Variants in RYK observed in about 807,000 individuals in gnomAD.
RYK encodes the protein receptor like tyrosine kinase.
A neutral mutation model predicts 70.2 loss-of-function variants in RYK; 21 were observed. The observed-to-expected ratio is 0.30, with a 90% CI of 0.21 to 0.43. The LOEUF (loss-of-function observed/expected upper bound fraction) is 0.43. Ranked by LOEUF, RYK falls within the 20% of genes least tolerant of loss-of-function variation. The pLI is 1.00. For synonymous variants in RYK, 267 were observed against 278.0 expected (o/e 0.96, Z 0.39); for missense variants, 604 against 753.3 (o/e 0.80, Z 2.32).
At chr3:134,194,560 G>A (rs1295766099) in intron 7 of RYK, among the ~76,000 whole-genome samples, 2 of 152,104 alleles carry the variant, frequency 1.3e-5, no homozygotes, top group African/African-American at 4.8e-5. Flanking sequence ...ACTGGGTAGA[G>A]GACAGATATC....
chr3:134,209,737 A>C lies in RYK; in HGVS notation c.547T>G (p.Phe183Val). 2.7e-6 allele frequency: 4 copies of C among 1,499,976 alleles called. No individual in the cohort carries two copies. Among genetic ancestry groups the C allele is most frequent in the Non-Finnish European group, 3.6e-6 (4 of 1,124,172 alleles). 92.9% of individuals were successfully genotyped at this position (1,499,976 alleles called of 1,614,324 possible). A position where few individuals can be genotyped will look rare whatever the true frequency, so the allele number is the denominator to read the frequency against. ...CTTCGTTTAAAATTTAAGACGGTAA[A>C]ATTTTTTGAAGAATTTACTGTCAAG... Reference protein sequence around the residue: ...LNLTVNSSKNFTVLNFKRRKM... With the variant: ...LNLTVNSSKNVTVLNFKRRKM... Residue 183 changes from phenylalanine to valine, a missense_variant, in exon 4 of 15, where the codon TTT (phenylalanine) becomes GTT (valine). Around this residue, in one of 2 missense-constraint regions of RYK, gnomAD observed 466 missense variants for 535.9 expected, o/e 0.87. Transcript: ENST00000623711.
intron 13 of RYK, among the ~76,000 whole-genome samples, chr3:134,169,123 G>A (rs991496591): frequency 5.9e-5 from 9 of 152,210 alleles, no homozygotes; most frequent in African/African-American, 2.2e-4. Context: ...CTTTTAAAAG[G>A]ATCTCTTCAC....
intron 1 of RYK, 36 bp downstream of exon 1, chr3:134,250,387 C>A: frequency 7.5e-7 from 1 of 1,325,816 alleles, no homozygotes. Context: ...CCAGCCGGCC[C>A]GACCTGCCCG....
At chr3:134,221,708 A>G (rs1432133817) in intron 2 of RYK, among the ~76,000 whole-genome samples, 1 of 152,184 alleles carries the variant, frequency 6.6e-6, no homozygotes, top group Admixed American at 6.5e-5. Context: ...TTATAGTAGC[A>G]AGACTATTTT....
intron 1 of RYK, among the ~76,000 whole-genome samples, chr3:134,240,289 A>C (rs1204298883): frequency 6.6e-6 from 1 of 152,176 alleles, no homozygotes; most frequent in Non-Finnish European, 1.5e-5. Flanking sequence ...AGTAGGGGTA[A>C]GGTGGTAGAG....
chr3:134,200,497 C>T (rs1311206808), intron 6 of RYK, among the ~76,000 whole-genome samples: 1 of 152,084 alleles, frequency 6.6e-6, no homozygotes, highest in Non-Finnish European at 1.5e-5. Context: ...CGCGAGAGTC[C>T]GCGGCTTCAT....
intron 2 of RYK, among the ~76,000 whole-genome samples, chr3:134,221,075 T>C (rs1473998296): frequency 6.6e-6 from 1 of 151,704 alleles, no homozygotes; most frequent in East Asian, 1.9e-4. Context: ...CTGTTCAACA[T>C]ACATGTCTAA....
At chr3:134,221,836 A>C (rs765484570) in intron 2 of RYK, among the ~76,000 whole-genome samples, 53 of 152,152 alleles carry the variant, frequency 3.5e-4, no homozygotes, top group Non-Finnish European at 1.0e-4. Flanking sequence ...CTTAGGAGAA[A>C]ACTTACCATG....
intron 4 of RYK, among the ~76,000 whole-genome samples, chr3:134,208,134 C>T (rs1212434929): frequency 1.3e-5 from 2 of 152,156 alleles, no homozygotes; most frequent in African/African-American, 4.8e-5. Flanking sequence ...TACTCCAACA[C>T]AGAATTTTAA....
intron 1 of RYK, among the ~76,000 whole-genome samples, chr3:134,225,131 C>T (rs2014867132): frequency 6.6e-6 from 1 of 152,144 alleles, no homozygotes; most frequent in Non-Finnish European, 1.5e-5. Flanking sequence ...TCTGCAAAAG[C>T]CTCTCCCTGC....
In RYK at chr3:134,158,127, C is replaced by T. The variant is rs764086854; in HGVS notation, c.*26G>A. 12 of 1,330,586 alleles carry T rather than the reference C, an allele frequency of 9.0e-6. No homozygotes were observed. The highest frequency in any genetic ancestry group is 1.2e-5 in the Non-Finnish European group (12 of 998,928). 82.4% of individuals were successfully genotyped at this position (1,330,586 alleles called of 1,614,324 possible). On this transcript the variant is annotated 3_prime_UTR_variant, in exon 15 of 15. Coordinates refer to ENST00000623711, the MANE Select transcript of RYK (RefSeq NM_002958.4). ...AGTGAGCCCCGACAGGCACCTTCTTCCTGATGGTGTGGGATTGGAGAGGAG... is the reference window on the plus strand; with the variant it reads ...AGTGAGCCCCGACAGGCACCTTCTTTCTGATGGTGTGGGATTGGAGAGGAG...
chr3:134,165,979 C>T (rs562517490), intron 13 of RYK, among the ~76,000 whole-genome samples: 1 of 152,314 alleles, frequency 6.6e-6, no homozygotes, highest in Admixed American at 6.5e-5. Context: ...GGACTTAAGA[C>T]TTTGGAGCTG....
At chr3:134,200,883 G>C (rs985397966) in intron 6 of RYK, among the ~76,000 whole-genome samples, 3 of 152,212 alleles carry the variant, frequency 2.0e-5, no homozygotes, top group Non-Finnish European at 4.4e-5. Flanking sequence ...ACTTTTGCCT[G>C]AAAACTAAAG....
At chr3:134,206,078 T>C (rs1406442010) in intron 5 of RYK, among the ~76,000 whole-genome samples, 1 of 152,226 alleles carries the variant, frequency 6.6e-6, no homozygotes, top group Admixed American at 6.5e-5. Context: ...AAGTAAACTT[T>C]GGCAACAGTG....
rs760478935 is a variant in RYK, at chr3:134,211,518, G to A, written c.444C>T (p.Arg148=). 5 of 1,611,242 alleles carry A rather than the reference G, an allele frequency of 3.1e-6. No homozygotes were observed. In the African/African-American group the frequency reaches 4.0e-5, roughly 13 times the overall value. ...AAGACTCTTACTTACCTGATAAAGT[G>A]CGTGGAACTTCCCCCTGAACAGAAA... ...VNISVQGEVP[R]TLSVFRVELS... Residue 148 remains arginine (R), a synonymous_variant, in exon 3 of 15, where the codon CGC becomes CGT. Coordinates refer to ENST00000623711, the MANE Select transcript of RYK (RefSeq NM_002958.4).
intron 1 of RYK, among the ~76,000 whole-genome samples, chr3:134,223,269 TC>T (rs2014794764): frequency 6.6e-6 from 1 of 152,172 alleles, no homozygotes; most frequent in African/African-American, 2.4e-5. Flanking sequence ...TTTCACTCAC[TC>T]CCATACCACC....
chr3:134,172,671 C>T (rs746543611), intron 13 of RYK, among the ~76,000 whole-genome samples: 3 of 152,150 alleles, frequency 2.0e-5, no homozygotes, highest in South Asian at 2.1e-4. Flanking sequence ...GTTCTCATTA[C>T]GTAGAGATTT....
Position 134,245,913 on chromosome 3 carries a change from C to T in RYK, c.232+4510G>A, listed in dbSNP as rs186115276. ...ACACACATGTTCTCTCCTCTGCAAT[C>T]AGCTCCTCAGGATCTTTTTCTTCAT... On this transcript the variant is annotated intron_variant, in intron 1 of 14. Coordinates refer to ENST00000623711, the MANE Select transcript of RYK (RefSeq NM_002958.4). Among the ~76,000 whole-genome samples, 690 of 152,316 alleles carry T rather than the reference C, an allele frequency of 4.5e-3. 13 individuals are homozygous for T. The highest frequency in any genetic ancestry group is 0.026 in the Admixed American group (392 of 15,296).
chr3:134,231,582 CA>C (rs757472595), intron 1 of RYK, among the ~76,000 whole-genome samples: 16 of 152,100 alleles, frequency 1.1e-4, no homozygotes, highest in Non-Finnish European at 2.2e-4. Flanking sequence ...CCTGGCCGTC[CA>C]CCCCTTATCC....
Sources: gnomAD v4.1 joint callset for allele counts (sites outside exome capture counted in the v4.1 genomes callset) on GRCh38, gnomAD v4.1.1 for gene constraint, gnomAD v4.1.1 regional missense constraint, MANE v1.5 for transcripts, NCBI Gene and HGNC (gene_info 2026-07-23, HGNC 2026-07-21) for gene names.